Variants in DAPK3 observed in about 807,000 individuals in gnomAD.
DAPK3 encodes death associated protein kinase 3, also known as death-associated protein kinase 3.
DAPK3 carries 24 observed loss-of-function variants against 30.6 expected under a neutral mutation model. The observed-to-expected ratio is 0.78, with a 90% CI of 0.57 to 1.10. The LOEUF (loss-of-function observed/expected upper bound fraction) is 1.10. DAPK3 is among the 50% of genes least tolerant of loss of function. The probability of loss-of-function intolerance (pLI) is 0.00; values close to 1 mark genes in which losing one functional copy is unlikely to be tolerated. For synonymous variants in DAPK3, 341 were observed against 284.0 expected (o/e 1.20, Z -2.02); for missense variants, 629 against 657.3 (o/e 0.96, Z 0.47).
At chr19:3,968,366 G>A (rs2039600132) in intron 2 of DAPK3, among the ~76,000 whole-genome samples, 1 of 152,084 alleles carries the variant, frequency 6.6e-6, no homozygotes, top group African/African-American at 2.4e-5. Context: ...GTGGTGGCGG[G>A]CTCCTGTAAT....
Position 3,964,954 on chromosome 19 carries a change from CCTT to C in DAPK3, c.97_99del (p.Lys33del). On this transcript the variant is annotated inframe_deletion, in exon 3 of 9. Coordinates refer to ENST00000545797, the MANE Select transcript of DAPK3 (RefSeq NM_001348.3). ...TTGGCTGCGTACTCCTTGCCCGTGC[CCTT>C]CTGCCGGCACTTCCGCACGATCGCA... The C allele has an allele frequency of 6.2e-7, 1 of 1,611,506 alleles. No individual in the cohort carries two copies. The highest frequency in any genetic ancestry group is 8.5e-7 in the Non-Finnish European group (1 of 1,178,732).
chr19:3,959,597 C>A lies in DAPK3; in HGVS notation c.869G>T (p.Arg290Leu), dbSNP rs760637791. The change falls in exon 9 of 9, where the codon CGC becomes CTC. Residue 290 changes from arginine to leucine, a missense_variant. Physicochemically the swap from Arg to Leu is moderately radical, Grantham distance 102. Transcript: ENST00000545797. ...CTTCAGGCGCCGCCGCTCGGGCTTG[C>A]GGCCGCTGTCCTCACCACGCACGTT... ...RRNVRGEDSG[R>L]KPERRRLKTT... 1.9e-6 allele frequency: 3 copies of A among 1,587,248 alleles called. No individual in the cohort carries two copies. Among genetic ancestry groups the A allele is most frequent in the Admixed American group, 3.4e-5 (2 of 58,160 alleles).
intron 7 of DAPK3, 68 bp from the exon 8 acceptor site, chr19:3,960,172 T>C (rs2039493444): frequency 4.7e-6 from 4 of 856,758 alleles, no homozygotes; most frequent in Non-Finnish European, 7.8e-6. Flanking sequence ...AACAACTGAC[T>C]CCCGGGACCC....
chr19:3,968,832 G>C (rs973117517), intron 2 of DAPK3, among the ~76,000 whole-genome samples: 4 of 152,168 alleles, frequency 2.6e-5, no homozygotes, highest in African/African-American at 9.7e-5. Context: ...GCTCCAGGGA[G>C]GCTGGCCAGT....
intron 5 of DAPK3, 33 bp from the exon 6 acceptor site, chr19:3,963,702 G>A: frequency 6.6e-7 from 1 of 1,514,744 alleles, no homozygotes; most frequent in South Asian, 1.3e-5. Flanking sequence ...GGTCAGCGCA[G>A]CGTGGGGCCG....
intron 4 of DAPK3, 107 bp from the exon 5 acceptor site, chr19:3,964,026 G>A (rs2039547331): frequency 1.2e-6 from 1 of 861,988 alleles, no homozygotes; most frequent in Non-Finnish European, 1.9e-6. Context: ...AGCCCTTGGG[G>A]GCATGAATGC....
At position 3,958,492 on chromosome 19, in the gene DAPK3, G is replaced by C; in HGVS notation, c.*609C>G. 2.2e-6 allele frequency: 1 copy of C among 456,568 alleles called. No individual in the cohort carries two copies. Among genetic ancestry groups the C allele is most frequent in the Non-Finnish European group, 4.4e-6 (1 of 227,156 alleles). The allele number at this position is 456,568 out of a possible 1,614,324, so 28.3% of individuals were successfully genotyped here. On this transcript the variant is annotated 3_prime_UTR_variant, in exon 9 of 9. Coordinates refer to ENST00000545797, the MANE Select transcript of DAPK3 (RefSeq NM_001348.3). ...TATTTTATTTCTCTTGGCTGCAGAG[G>C]GCCGCTCTTGCCTAGGCGTCCACAG...
intron 6 of DAPK3, among the ~76,000 whole-genome samples, chr19:3,962,032 T>C (rs1414191219): frequency 6.6e-6 from 1 of 152,138 alleles, no homozygotes; most frequent in Non-Finnish European, 1.5e-5. Context: ...CTAATTTTTG[T>C]ATTTTTAGTA....
In DAPK3 at chr19:3,959,577, G is replaced by A. The variant is rs2039480836; in HGVS notation, c.889C>T (p.Leu297=). Reference sequence around the variant, plus strand: ...TACTCCTTCAGACGCGTGGTCTTCAGGCGCCGCCGCTCGGGCTTGCGGCCG... The same window carrying A: ...TACTCCTTCAGACGCGTGGTCTTCAAGCGCCGCCGCTCGGGCTTGCGGCCG... ...DSGRKPERRR[L]KTTRLKEYTI... Residue 297 remains leucine (L), a synonymous_variant, in exon 9 of 9, where the codon CTG becomes TTG. Transcript: ENST00000545797. 6.3e-7 allele frequency: 1 copy of A among 1,583,742 alleles called. No homozygotes were observed. The highest frequency in any genetic ancestry group is 1.3e-5 in the African/African-American group (1 of 74,958).
rs1380741681 is a variant in DAPK3 at position 3,961,093 on chromosome 19, T to A, written c.698A>T (p.Asn233Ile). The change falls in exon 7 of 9, where the codon AAC becomes ATC. Residue 233 changes from asparagine to isoleucine, a missense_variant. Around this residue, in one of 2 missense-constraint regions of DAPK3, gnomAD observed 306 missense variants for 378.5 expected, o/e 0.81. Coordinates refer to ENST00000545797, the MANE Select transcript of DAPK3 (RefSeq NM_001348.3). ...GAAGTACTCCTCGTCGAAGTCGTAG[T>A]TCACGGCTGAGATGTTGGTGAGCGT... ...QETLTNISAV[N>I]YDFDEEYFSN... is the part of the protein sequence containing the mutation. The A allele has an allele frequency of 6.2e-7, 1 of 1,613,720 alleles. No individual in the cohort carries two copies. The highest frequency in any genetic ancestry group is 1.1e-5 in the South Asian group (1 of 91,074).
At chr19:3,969,251 G>A (rs1375455428) in intron 2 of DAPK3, among the ~76,000 whole-genome samples, 1 of 151,966 alleles carries the variant, frequency 6.6e-6, no homozygotes, top group African/African-American at 2.4e-5. Flanking sequence ...CCATCCTCCC[G>A]TCTCAGCTTC....
chr19:3,959,745 C>T lies in DAPK3; in HGVS notation c.829-108G>A, dbSNP rs945824421. ...TCAGGGGCTCATCCGGCAGCAGAGT[C>T]AACGCCTCGTGACGGAGACTGCCCA... On this transcript the variant is annotated intron_variant, in intron 8 of 8. Transcript: ENST00000545797. 3 of 1,276,422 alleles carry T rather than the reference C, an allele frequency of 2.4e-6. No individual in the cohort carries two copies. In the African/African-American group the frequency reaches 4.5e-5, roughly 19 times the overall value. The allele number at this position is 1,276,422 out of a possible 1,614,324, so 79.1% of individuals were successfully genotyped here. A position where few individuals can be genotyped will look rare whatever the true frequency, so the allele number is the denominator to read the frequency against.
chr19:3,966,159 G>A (rs576774099), intron 2 of DAPK3, among the ~76,000 whole-genome samples: 2 of 152,166 alleles, frequency 1.3e-5, no homozygotes, highest in East Asian at 1.9e-4. Context: ...AGTCAGTGGC[G>A]GGAGGATTCA....
At position 3,959,312 on chromosome 19, in the gene DAPK3, A is replaced by G; in HGVS notation, c.1154T>C (p.Leu385Pro). 1 of 1,594,122 alleles carries G rather than the reference A, an allele frequency of 6.3e-7. No homozygotes were observed. Among genetic ancestry groups the G allele is most frequent in the Non-Finnish European group, 8.5e-7 (1 of 1,177,370 alleles). The change falls in exon 9 of 9, where the codon CTG becomes CCG. Residue 385 changes from leucine (L) to proline (P), a missense_variant. Coordinates refer to ENST00000545797, the MANE Select transcript of DAPK3 (RefSeq NM_001348.3). ...CCGCTTGAGCGCCTCGGTCTTGAGC[A>G]GCTCCTGCCGTAGCCTCCGCAGGTC... is the stretch of plus-strand genomic sequence containing the variant. Reference protein sequence around the residue: ...GQDLRRLRQELLKTEALKRQA... With the variant: ...GQDLRRLRQEPLKTEALKRQA...
In DAPK3 at chr19:3,959,741, G is replaced by C. The variant is rs1284430495; in HGVS notation, c.829-104C>G. On this transcript the variant is annotated intron_variant, in intron 8 of 8. Transcript: ENST00000545797. ...AGGTTCAGGGGCTCATCCGGCAGCA[G>C]AGTCAACGCCTCGTGACGGAGACTG... 12 of 1,301,026 alleles carry C rather than the reference G, an allele frequency of 9.2e-6. No homozygotes were observed. The Admixed American group carries it at 3.2e-4, about 35-fold the overall frequency. 80.6% of individuals were successfully genotyped at this position (1,301,026 alleles called of 1,614,324 possible).
intron 2 of DAPK3, among the ~76,000 whole-genome samples, chr19:3,965,775 C>A (rs1428887778): frequency 2.6e-5 from 4 of 152,066 alleles, no homozygotes; most frequent in Non-Finnish European, 4.4e-5. Flanking sequence ...GGCAATCCTC[C>A]TGCCTCAGCC....
chr19:3,959,739 CAG>C (rs1652198898), intron 8 of DAPK3, 102 bp from the exon 9 acceptor site: 2 of 1,311,420 alleles, frequency 1.5e-6, no homozygotes, highest in Non-Finnish European at 2.0e-6. Flanking sequence ...CATCCGGCAG[CAG>C]AGTCAACGCC....
Position 3,966,246 on chromosome 19 carries a change from G to C in DAPK3, c.63-1255C>G, listed in dbSNP as rs547271309. Among the ~76,000 whole-genome samples the C allele has an allele frequency of 2.2e-4, 33 of 152,308 alleles. 1 individual carries two copies. In the East Asian group the frequency reaches 6.0e-3, roughly 28 times the overall value. ...AGCAGACAGCTGCTGCTGGGTACCG[G>C]GTTCCTGCGTGCCTACCTCCCGGCT... is the stretch of plus-strand genomic sequence containing the variant. On this transcript the variant is annotated intron_variant, in intron 2 of 8. Transcript: ENST00000545797.
chr19:3,963,574 A>C (rs2145334574), intron 6 of DAPK3, 69 bp downstream of exon 6: 3 of 1,009,206 alleles, frequency 3.0e-6, no homozygotes, highest in Middle Eastern at 2.1e-4. Context: ...CGTCCACATG[A>C]GACACACGGA....
Sources: gnomAD v4.1 joint callset for allele counts (sites outside exome capture counted in the v4.1 genomes callset) on GRCh38, gnomAD v4.1.1 for gene constraint, gnomAD v4.1.1 regional missense constraint, MANE v1.5 for transcripts, NCBI Gene and HGNC (gene_info 2026-07-23, HGNC 2026-07-21) for gene names.